ANTXR2: variants seen among roughly 807,000 people sequenced by gnomAD.
The protein encoded by ANTXR2 is ANTXR cell adhesion molecule 2.
Under a neutral mutation model 73.7 loss-of-function variants are expected in ANTXR2, and 44 were observed. The ratio of observed to expected loss-of-function variants is 0.60; its 90% confidence interval spans 0.47 to 0.77. The LOEUF is 0.77. Among genes scored for constraint, ANTXR2 ranks in the 30% least tolerant of loss-of-function variants. The pLI, the probability that ANTXR2 is intolerant of heterozygous loss-of-function variation, is 0.00. For synonymous variants in ANTXR2, 217 were observed against 205.9 expected, an observed-to-expected ratio of 1.05 and a Z score of -0.46; for missense variants, 604 against 592.5, an observed-to-expected ratio of 1.02 and a Z score of -0.20.
intron 14 of ANTXR2, among the ~76,000 whole-genome samples, chr4:79,980,936 A>G (rs1168054391): frequency 8.3e-4 from 124 of 149,598 alleles, no homozygotes; most frequent in Admixed American, 1.9e-3. Flanking sequence ...AAAAAAAAAA[A>G]AAAAAAGAGA....
chr4:79,926,157 C>T (rs755767298), intron 16 of ANTXR2, among the ~76,000 whole-genome samples: 2 of 152,050 alleles, frequency 1.3e-5, no homozygotes, highest in African/African-American at 2.4e-5. Context: ...TCAATAAATA[C>T]TTTTAAATAA....
intron 9 of ANTXR2, among the ~76,000 whole-genome samples, chr4:80,031,974 T>G (rs1732719135): frequency 6.6e-6 from 1 of 151,740 alleles, no homozygotes; most frequent in African/African-American, 2.4e-5. Context: ...TCTCTTAAAT[T>G]TTTTAAATAT....
chr4:79,974,572 G>C (rs1033834324), intron 16 of ANTXR2, among the ~76,000 whole-genome samples: 1 of 151,772 alleles, frequency 6.6e-6, no homozygotes, highest in South Asian at 2.1e-4. Flanking sequence ...GAAGCAACAA[G>C]TTTTACAATT....
chr4:80,017,023 A>T (rs1731905502), intron 11 of ANTXR2, among the ~76,000 whole-genome samples: 1 of 152,252 alleles, frequency 6.6e-6, no homozygotes, highest in Non-Finnish European at 1.5e-5. Context: ...GTCTGTTTTC[A>T]TACAGCAGCC....
rs1733511463 is a variant in ANTXR2, at chr4:80,046,279, T to C, written c.636+7993A>G. ...TTTAAAATAAATCATATTAGCAGTC[T>C]TGCTGTTTCATTACAATATAGAAAA... On this transcript the variant is annotated intron_variant, in intron 7 of 16. Transcript: ENST00000403729. Among the ~76,000 whole-genome samples, 8 of 151,772 alleles carry C rather than the reference T, an allele frequency of 5.3e-5. No homozygotes were observed. The Admixed American group carries it at 5.3e-4, about 10-fold the overall frequency.
chr4:79,945,203 C>T (rs912254571), intron 16 of ANTXR2, among the ~76,000 whole-genome samples: 5 of 151,772 alleles, frequency 3.3e-5, no homozygotes, highest in African/African-American at 1.2e-4. Context: ...TAGAAGAACA[C>T]TAAGTAGGTT....
At chr4:79,920,110 T>A (rs1727536576) in intron 16 of ANTXR2, among the ~76,000 whole-genome samples, 7 of 151,784 alleles carry the variant, frequency 4.6e-5, no homozygotes, top group Admixed American at 4.6e-4. Context: ...TAGCTCTGCC[T>A]GCTGGAAAGG....
At chr4:80,013,592 T>C (rs1235575538) in intron 11 of ANTXR2, among the ~76,000 whole-genome samples, 1 of 152,258 alleles carries the variant, frequency 6.6e-6, no homozygotes, top group East Asian at 1.9e-4. Flanking sequence ...ATGAGCAATA[T>C]CGCTAACTGC....
At chr4:79,994,438 A>C (rs1192119102) in intron 12 of ANTXR2, among the ~76,000 whole-genome samples, 1 of 152,020 alleles carries the variant, frequency 6.6e-6, no homozygotes, top group Non-Finnish European at 1.5e-5. Flanking sequence ...GTCAAGGTAC[A>C]TCCTTCCATT....
chr4:79,954,208 C>G (rs1319967297), intron 16 of ANTXR2, among the ~76,000 whole-genome samples: 1 of 152,028 alleles, frequency 6.6e-6, no homozygotes, highest in African/African-American at 2.4e-5. Context: ...GCTCTGTTGC[C>G]CAGGCTGAAG....
chr4:79,944,473 C>G, intron 16 of ANTXR2, among the ~76,000 whole-genome samples: 1 of 143,404 alleles, frequency 7.0e-6, no homozygotes, highest in South Asian at 2.4e-4. Flanking sequence ...ATTCTGGCAC[C>G]ACACCAAAAA....
intron 12 of ANTXR2, among the ~76,000 whole-genome samples, 187 bp from the exon 13 acceptor site, chr4:79,985,050 A>C (rs1730067180): frequency 6.6e-6 from 1 of 152,094 alleles, no homozygotes; most frequent in African/African-American, 2.4e-5. Context: ...TTCGGCAAAT[A>C]GAAAAAGGTT....
chr4:79,903,831 G>C lies in ANTXR2; in HGVS notation c.*3598C>G, dbSNP rs991747508. On this transcript the variant is annotated 3_prime_UTR_variant, in exon 17 of 17. Coordinates refer to ENST00000403729, the MANE Select transcript of ANTXR2 (RefSeq NM_058172.6). Reference sequence around the variant, plus strand: ...TAGATTATGTATTTCCTTTCATATTGAAATGATGCATATATTTCTTTCCTG... The same window carrying C: ...TAGATTATGTATTTCCTTTCATATTCAAATGATGCATATATTTCTTTCCTG... The C allele has an allele frequency of 6.6e-6, 1 of 152,020 alleles. No individual in the cohort carries two copies. The allele number at this position is 152,020 out of a possible 1,614,324, so 9.4% of individuals were successfully genotyped here. A position where few individuals can be genotyped will look rare whatever the true frequency, so the allele number is the denominator to read the frequency against.
At chr4:80,036,879 T>C (rs1240519975) in intron 7 of ANTXR2, among the ~76,000 whole-genome samples, 1 of 152,174 alleles carries the variant, frequency 6.6e-6, no homozygotes, top group African/African-American at 2.4e-5. Context: ...TTAATTCCTG[T>C]GGGTGCTAGT....
chr4:80,000,483 A>C (rs1398153485), intron 12 of ANTXR2, among the ~76,000 whole-genome samples: 1 of 152,074 alleles, frequency 6.6e-6, no homozygotes, highest in African/African-American at 2.4e-5. Context: ...ATAAGTATTC[A>C]CCATGCAACA....
At chr4:79,933,529 T>C (rs1414431752) in intron 16 of ANTXR2, among the ~76,000 whole-genome samples, 1 of 151,986 alleles carries the variant, frequency 6.6e-6, no homozygotes, top group African/African-American at 2.4e-5. Context: ...TGGTTTGGTT[T>C]TTGTTTTGTT....
intron 10 of ANTXR2, among the ~76,000 whole-genome samples, chr4:80,029,265 G>A (rs544477831): frequency 1.3e-5 from 2 of 151,994 alleles, no homozygotes; most frequent in Non-Finnish European, 2.9e-5. Context: ...CAGGCATAAT[G>A]CATTTTATAA....
intron 12 of ANTXR2, among the ~76,000 whole-genome samples, chr4:80,004,502 G>C (rs1731210222): frequency 6.6e-6 from 1 of 151,984 alleles, no homozygotes; most frequent in South Asian, 2.1e-4. Context: ...TAGGCTCTAG[G>C]GATGGATTTG....
intron 11 of ANTXR2, among the ~76,000 whole-genome samples, chr4:80,016,759 A>T (rs949766517): frequency 1.3e-5 from 2 of 152,252 alleles, no homozygotes; most frequent in African/African-American, 4.8e-5. Context: ...CTTTTGCATC[A>T]ACCTAATAGT....
Sources: gnomAD v4.1 joint callset for allele counts (sites outside exome capture counted in the v4.1 genomes callset) on GRCh38, gnomAD v4.1.1 for gene constraint, MANE v1.5 for transcripts, NCBI Gene and HGNC (gene_info 2026-07-23, HGNC 2026-07-21) for gene names.